CHRM2: variants seen among roughly 807,000 people sequenced by gnomAD.
CHRM2 encodes the protein cholinergic receptor muscarinic 2.
A neutral mutation model predicts 25.0 loss-of-function variants in CHRM2; 8 were observed. The observed-to-expected ratio is 0.32, with a 90% CI of 0.19 to 0.58. The LOEUF (loss-of-function observed/expected upper bound fraction) is 0.58, where lower values mean the gene tolerates loss of function less well. Ranked by LOEUF, CHRM2 falls within the 20% of genes least tolerant of loss-of-function variation. The probability of loss-of-function intolerance (pLI) is 0.88; values close to 1 mark genes in which losing one functional copy is unlikely to be tolerated. For synonymous variants in CHRM2, 202 were observed against 205.7 expected, an observed-to-expected ratio of 0.98 and a Z score of 0.15; for missense variants, 440 against 567.1, an observed-to-expected ratio of 0.78 and a Z score of 2.28.
intron 2 of CHRM2, among the ~76,000 whole-genome samples, chr7:136,877,437 A>G (rs1447812988): frequency 6.6e-6 from 1 of 151,986 alleles, no homozygotes; most frequent in African/African-American, 2.4e-5. Context: ...TCCTTCTTAA[A>G]TTCCTTTCAT....
In CHRM2 at chr7:136,868,746, GCACA is replaced by G. The variant is rs35916399; in HGVS notation, c.-504_-501del. 0.015 allele frequency: 2,254 copies of G among 149,120 alleles called. 43 individuals are homozygous for G. Among genetic ancestry groups the G allele is most frequent in the African/African-American group, 0.046 (1,880 of 40,768 alleles). 9.2% of individuals were successfully genotyped at this position (149,120 alleles called of 1,614,324 possible). Reference sequence around the variant, plus strand: ...GCAAAGACCTAGGGAGCGCGCGCGGGCACACACACACACACACACACACACACAG... The same window carrying G: ...GCAAAGACCTAGGGAGCGCGCGCGGGCACACACACACACACACACACACAG... On this transcript the variant is annotated 5_prime_UTR_variant, in exon 1 of 4. Transcript: ENST00000680005.
chr7:136,918,837 T>C (rs1010253139), intron 2 of CHRM2, among the ~76,000 whole-genome samples: 7 of 152,070 alleles, frequency 4.6e-5, no homozygotes, highest in Non-Finnish European at 1.0e-4. Context: ...TTTCATCTGT[T>C]CTCTCCTTGG....
intron 2 of CHRM2, among the ~76,000 whole-genome samples, chr7:136,966,464 T>C (rs527832422): frequency 1.3e-5 from 2 of 152,074 alleles, no homozygotes; most frequent in South Asian, 4.1e-4. Context: ...GGTTTTCTTT[T>C]TCAATTTTTA....
At chr7:137,002,157 GT>G (rs1804084179) in intron 3 of CHRM2, among the ~76,000 whole-genome samples, 1 of 152,052 alleles carries the variant, frequency 6.6e-6, no homozygotes, top group Non-Finnish European at 1.5e-5. Context: ...GTTTTGTTTT[GT>G]TTGTTTTTTA....
intron 2 of CHRM2, among the ~76,000 whole-genome samples, chr7:136,889,919 A>G (rs1796624214): frequency 1.3e-5 from 2 of 152,236 alleles, no homozygotes; most frequent in South Asian, 4.1e-4. Flanking sequence ...AAGCACAGAC[A>G]GGCGACCTCA....
intron 2 of CHRM2, chr7:136,938,341 G>C: frequency 6.5e-7 from 1 of 1,550,272 alleles, no homozygotes. Context: ...CCGAGTCGTC[G>C]TCTGCTGCTG....
intron 2 of CHRM2, among the ~76,000 whole-genome samples, chr7:136,912,164 CT>C (rs1797878862): frequency 6.6e-6 from 1 of 151,762 alleles, no homozygotes; most frequent in Admixed American, 6.6e-5. Flanking sequence ...TTTCTAACCC[CT>C]TCTCTTTCAA....
rs1045921046 is a variant in CHRM2 at position 137,014,833 on chromosome 7, T to C, written c.-33T>C. ...ATTTCCTTGCAGGTTTAAATGTTTA[T>C]TTGCTACTTGGCTACTGATTAGAGA... On this transcript the variant is annotated 5_prime_UTR_variant, in exon 4 of 4. Transcript: ENST00000680005. 1 of 1,568,812 alleles carries C rather than the reference T, an allele frequency of 6.4e-7. No individual in the cohort carries two copies. The highest frequency in any genetic ancestry group is 1.1e-5 in the South Asian group (1 of 90,058).
At chr7:136,928,460 A>G (rs1233935040) in intron 2 of CHRM2, among the ~76,000 whole-genome samples, 1 of 152,206 alleles carries the variant, frequency 6.6e-6, no homozygotes, top group Admixed American at 6.5e-5. Context: ...ATTGTATACT[A>G]TGTTGATCCT....
chr7:137,011,209 G>GTA (rs1245651206), intron 3 of CHRM2, among the ~76,000 whole-genome samples: 17 of 120,286 alleles, frequency 1.4e-4, no homozygotes, highest in African/African-American at 6.2e-4. Context: ...GTGTGTGTGT[G>GTA]TGTGTGTATA....
At chr7:136,901,182 G>C (rs941028060) in intron 2 of CHRM2, among the ~76,000 whole-genome samples, 1 of 152,008 alleles carries the variant, frequency 6.6e-6, no homozygotes, top group African/African-American at 2.4e-5. Flanking sequence ...CCCTGGGAAA[G>C]GAAAAATTCC....
intron 2 of CHRM2, among the ~76,000 whole-genome samples, chr7:136,942,580 T>G (rs1002380862): frequency 3.3e-5 from 5 of 152,198 alleles, no homozygotes; most frequent in African/African-American, 1.2e-4. Flanking sequence ...CTCTGTGATG[T>G]CTGGCATTTT....
At chr7:136,901,668 C>A (rs1257649101) in intron 2 of CHRM2, among the ~76,000 whole-genome samples, 1 of 151,902 alleles carries the variant, frequency 6.6e-6, no homozygotes, top group African/African-American at 2.4e-5. Flanking sequence ...CTTTTTGATC[C>A]ATTTGTTGTA....
chr7:137,016,239 T>C lies in CHRM2; in HGVS notation c.1374T>C (p.His458=). 3 of 1,612,900 alleles carry C rather than the reference T, an allele frequency of 1.9e-6. No homozygotes were observed. Among genetic ancestry groups the C allele is most frequent in the Middle Eastern group, 1.7e-4 (1 of 6,046 alleles). ...CCTTTAAACACCTTCTCATGTGTCATTATAAGAACATAGGCGCTACAAGGT... is the reference window on the plus strand; with the variant it reads ...CCTTTAAACACCTTCTCATGTGTCACTATAAGAACATAGGCGCTACAAGGT... ...KKTFKHLLMC[H]YKNIGATR The change falls in exon 4 of 4, where the codon CAT becomes CAC. Residue 458 remains histidine, a synonymous_variant. Transcript: ENST00000680005.
intron 3 of CHRM2, among the ~76,000 whole-genome samples, chr7:136,998,129 T>C (rs189765470): frequency 1.3e-5 from 2 of 152,322 alleles, no homozygotes; most frequent in East Asian, 3.9e-4. Flanking sequence ...AGTTAGTAGG[T>C]ACATATGGAG....
chr7:136,960,009 A>G lies in CHRM2; in HGVS notation c.-124-32178A>G, dbSNP rs1435308189. ...TACAGCCTCATACAGTGCAAGTACT[A>G]TCCCTGTGGTTCCTGGGGCTCTGGG... On this transcript the variant is annotated intron_variant, in intron 2 of 3. Transcript: ENST00000680005. 2.0e-5 allele frequency among the ~76,000 whole-genome samples: 3 copies of G among 152,214 alleles called. No individual in the cohort carries two copies. In the East Asian group the frequency reaches 5.8e-4, roughly 29 times the overall value.
chr7:136,902,213 AT>A lies in CHRM2; in HGVS notation c.-125+32796del, dbSNP rs1797259443. ...CATCTATCTATCTATCGATCTATCT[AT>A]CCATCCATCCATCCATCCATCCATC... On this transcript the variant is annotated intron_variant, in intron 2 of 3. Coordinates refer to ENST00000680005, the MANE Select transcript of CHRM2 (RefSeq NM_001006630.2). 3 of 61,222 alleles carry A rather than the reference AT, an allele frequency of 4.9e-5. No homozygotes were observed. The South Asian group carries it at 1.1e-3, about 22-fold the overall frequency. 3.8% of individuals were successfully genotyped at this position (61,222 alleles called of 1,614,324 possible).
rs575517197 is a variant in CHRM2, at chr7:136,897,029, G to A, written c.-125+27611G>A. On this transcript the variant is annotated intron_variant, in intron 2 of 3. Coordinates refer to ENST00000680005, the MANE Select transcript of CHRM2 (RefSeq NM_001006630.2). The stretch of plus-strand genomic sequence containing the variant: ...GTGATGGCTTCCAAAGTTAATGTCA[G>A]TGTGGTAGGCAAGGAGGGGATGGAG... 2.0e-5 allele frequency among the ~76,000 whole-genome samples: 3 copies of A among 151,886 alleles called. No individual in the cohort carries two copies. The East Asian group carries it at 5.8e-4, about 29-fold the overall frequency.
Position 136,868,838 on chromosome 7 carries a change from AC to A in CHRM2, c.-435del, listed in dbSNP as rs1795699672. 1 of 152,270 alleles carries A rather than the reference AC, an allele frequency of 6.6e-6. No homozygotes were observed. Among genetic ancestry groups the A allele is most frequent in the Admixed American group, 6.5e-5 (1 of 15,282 alleles). The allele number at this position is 152,270 out of a possible 1,614,324, so 9.4% of individuals were successfully genotyped here. ...CCAGAGCCTGGAAATCGCAGATTTC[AC>A]CAGGAAATCGCCGAGGTACCCGAAT... On this transcript the variant is annotated 5_prime_UTR_variant, in exon 1 of 4. Coordinates refer to ENST00000680005, the MANE Select transcript of CHRM2 (RefSeq NM_001006630.2).
Sources: allele counts gnomAD v4.1 joint callset (sites outside exome capture counted in the v4.1 genomes callset), GRCh38; gene constraint gnomAD v4.1.1; transcripts MANE v1.5; gene names NCBI Gene and HGNC (gene_info 2026-07-23, HGNC 2026-07-21).